ITGAL: variants seen among roughly 807,000 people sequenced by gnomAD.
ITGAL encodes the protein integrin alpha-L.
ITGAL carries 68 observed loss-of-function variants against 138.4 expected under a neutral mutation model. The observed-to-expected ratio is 0.49, with a 90% CI of 0.40 to 0.60. The LOEUF is 0.60. Ranked by LOEUF, ITGAL falls within the 20% of genes least tolerant of loss-of-function variation. The pLI is 0.00. For missense variants in ITGAL, 1,256 were observed against 1,478.6 expected, an observed-to-expected ratio of 0.85 and a Z score of 2.47; for synonymous variants, 561 against 584.3, an observed-to-expected ratio of 0.96 and a Z score of 0.57.
chr16:30,497,768 G>A (rs1384025547), intron 15 of ITGAL, among the ~76,000 whole-genome samples: 1 of 150,012 alleles, frequency 6.7e-6, no homozygotes, highest in African/African-American at 2.4e-5. Context: ...GTGAGCCACC[G>A]TGCCCAGCCC....
chr16:30,490,214 C>T (rs1396327859), intron 11 of ITGAL, among the ~76,000 whole-genome samples: 2 of 117,128 alleles, frequency 1.7e-5, no homozygotes, highest in African/African-American at 3.4e-5. Flanking sequence ...GATGACAGAG[C>T]GAGACTCCGT....
rs776046129 is a variant in ITGAL, at chr16:30,479,234, A to T, written c.445+26A>T. 1.9e-6 allele frequency: 3 copies of T among 1,612,902 alleles called. No individual in the cohort carries two copies. The Admixed American group carries it at 5.0e-5, about 27-fold the overall frequency. Reference sequence around the variant, plus strand: ...GTAAGGAACTGGGGACTCATTGGGTAAAAATACCTCCAAATGGCTGTCCCT... The same window carrying T: ...GTAAGGAACTGGGGACTCATTGGGTTAAAATACCTCCAAATGGCTGTCCCT... On this transcript the variant is annotated intron_variant, in intron 5 of 30. Coordinates refer to ENST00000356798, the MANE Select transcript of ITGAL (RefSeq NM_002209.3).
intron 20 of ITGAL, 80 bp from the exon 21 acceptor site, chr16:30,506,635 C>A: frequency 7.0e-6 from 5 of 715,752 alleles, no homozygotes; most frequent in Non-Finnish European, 1.0e-5. Context: ...TTATTTCTTT[C>A]TGGCCCACCA....
At position 30,494,219 on chromosome 16, in the gene ITGAL, C is replaced by G. The variant is rs768669649; in HGVS notation, c.1221C>G (p.Thr407=). Residue 407 remains threonine (T), a synonymous_variant, in exon 12 of 31, where the codon ACC becomes ACG. Transcript: ENST00000356798. This position sits in a 1 kb window ranked among gnomAD's most constrained non-coding sequence, Gnocchi z 4.2. ...PEVRAGYLGY[T]VTWLPSRQKT... ...CCCACACACTTTCCTCAGGTTACACCGTGACCTGGCTGCCCTCCCGGCAAA... is the reference window on the plus strand; with the variant it reads ...CCCACACACTTTCCTCAGGTTACACGGTGACCTGGCTGCCCTCCCGGCAAA... The G allele has an allele frequency of 1.2e-6, 2 of 1,606,460 alleles. No homozygotes were observed. Among genetic ancestry groups the G allele is most frequent in the African/African-American group, 1.3e-5 (1 of 74,856 alleles).
chr16:30,510,950 A>C lies in ITGAL; in HGVS notation c.2689A>C (p.Asn897His), dbSNP rs751487385. The C allele has an allele frequency of 2.2e-5, 36 of 1,613,872 alleles. No individual in the cohort carries two copies. The highest frequency in any genetic ancestry group is 3.3e-4 in the Middle Eastern group (2 of 6,084). The change falls in exon 23 of 31, where the codon AAT becomes CAT. Residue 897 changes from asparagine to histidine, a missense_variant. By Grantham distance (68) the Asn-to-His change is moderately conservative (BLOSUM62 1). This residue lies in a region of ITGAL where 867 missense variants were observed against 972.5 expected (regional missense o/e 0.89). Coordinates refer to ENST00000356798, the MANE Select transcript of ITGAL (RefSeq NM_002209.3). The part of the protein sequence containing the change: ...SWGDSVELHA[N>H]VTCNNEDSDL... ...GGGGGACTCGGTTGAATTGCACGCC[A>C]ATGTGACCTGGTGAGCAGGCCCCGC...
rs747816501 is a variant in ITGAL, at chr16:30,494,151, C to T, written c.1214-61C>T. On this transcript the variant is annotated intron_variant, in intron 11 of 30. Coordinates refer to ENST00000356798, the MANE Select transcript of ITGAL (RefSeq NM_002209.3). This position sits in a 1 kb window ranked among gnomAD's most constrained non-coding sequence, Gnocchi z 4.2. ...ATTCCCTGGGGCCCCTGCCCCTCTC[C>T]TGCTGGGTGTTCTTCCAGCATCCTG... 1 of 1,471,968 alleles carries T rather than the reference C, an allele frequency of 6.8e-7. No individual in the cohort carries two copies. The highest frequency in any genetic ancestry group is 9.2e-7 in the Non-Finnish European group (1 of 1,082,928). 91.2% of individuals were successfully genotyped at this position (1,471,968 alleles called of 1,614,324 possible). A position where few individuals can be genotyped will look rare whatever the true frequency, so the allele number is the denominator to read the frequency against.
chr16:30,478,950 C>T (rs1447408491), intron 4 of ITGAL, 141 bp from the exon 5 acceptor site: 24 of 682,024 alleles, frequency 3.5e-5, no homozygotes, highest in Non-Finnish European at 5.6e-5. Flanking sequence ...TGGAGGCGGA[C>T]ATTCCTTGCC....
At chr16:30,520,813 G>A (rs1325010938) in intron 30 of ITGAL, among the ~76,000 whole-genome samples, 7 of 152,156 alleles carry the variant, frequency 4.6e-5, no homozygotes, top group Admixed American at 3.3e-4. Flanking sequence ...GGCCGGGTAC[G>A]GTGGCTCACA....
intron 28 of ITGAL, among the ~76,000 whole-genome samples, chr16:30,518,185 A>G (rs2051199049): frequency 6.6e-6 from 1 of 152,132 alleles, no homozygotes; most frequent in Non-Finnish European, 1.5e-5. Flanking sequence ...GCGGGGCTCA[A>G]GCCTATAATC....
At chr16:30,504,133 AAGTT>A in intron 17 of ITGAL, 38 bp from the exon 18 acceptor site, 1 of 1,460,224 alleles carries the variant, frequency 6.8e-7, no homozygotes, top group Non-Finnish European at 9.6e-7. Context: ...AGTGCGGTAA[AAGTT>A]AGATTCATGA....
At position 30,489,399 on chromosome 16, in the gene ITGAL, C is replaced by T; in HGVS notation, c.1213+13C>T. 6.2e-7 allele frequency: 1 copy of T among 1,613,326 alleles called. No individual in the cohort carries two copies. Among genetic ancestry groups the T allele is most frequent in the Non-Finnish European group, 8.5e-7 (1 of 1,179,374 alleles). Reference sequence around the variant, plus strand: ...GCAGGCTATTTGGGTGAGTACTTCTCTTTTCTGCTGGGATCTTCTGGTTGT... The same window carrying T: ...GCAGGCTATTTGGGTGAGTACTTCTTTTTTCTGCTGGGATCTTCTGGTTGT... On this transcript the variant is annotated intron_variant, in intron 11 of 30. Transcript: ENST00000356798.
intron 11 of ITGAL, among the ~76,000 whole-genome samples, chr16:30,490,228 A>T (rs2050706236): frequency 1.0e-5 from 1 of 99,216 alleles, no homozygotes; most frequent in Non-Finnish European, 2.6e-5. Context: ...ACTCCGTCTT[A>T]AAAAAAAAAA....
At chr16:30,499,026 C>T (rs775670550) in intron 15 of ITGAL, 48 bp from the exon 16 acceptor site, 28 of 1,577,208 alleles carry the variant, frequency 1.8e-5, no homozygotes, top group South Asian at 6.8e-5. Flanking sequence ...TGAGGGGGGA[C>T]GTGCAGTTGG....
At chr16:30,511,967 G>T (rs1404469136) in intron 24 of ITGAL, among the ~76,000 whole-genome samples, 1 of 152,164 alleles carries the variant, frequency 6.6e-6, no homozygotes, top group East Asian at 1.9e-4. Flanking sequence ...AAGAGAAAGG[G>T]GTTAAGATCA....
rs1446924583 is a variant in ITGAL at position 30,494,862 on chromosome 16, A to T, written c.1503+12A>T. On this transcript the variant is annotated intron_variant, in intron 13 of 30. Coordinates refer to ENST00000356798, the MANE Select transcript of ITGAL (RefSeq NM_002209.3). The surrounding 1 kb of genome is among the most constrained non-coding windows in gnomAD (Gnocchi z 4.2). ...ACCAGAGAAGACAGGTGGGGCCAGG[A>T]TCTGGAGCTGAGAGGGAGGAGGGAG... 2 of 1,579,282 alleles carry T rather than the reference A, an allele frequency of 1.3e-6. No individual in the cohort carries two copies. The highest frequency in any genetic ancestry group is 1.4e-5 in the African/African-American group (1 of 73,968).
At chr16:30,486,526 C>T (rs1392134823) in intron 9 of ITGAL, among the ~76,000 whole-genome samples, 1 of 151,448 alleles carries the variant, frequency 6.6e-6, no homozygotes, top group Admixed American at 6.6e-5. Context: ...TTAAAAAAAA[C>T]TCACTCTCAA....
intron 25 of ITGAL, among the ~76,000 whole-genome samples, chr16:30,514,817 T>C (rs1351531559): frequency 1.4e-5 from 2 of 148,046 alleles, no homozygotes; most frequent in African/African-American, 2.5e-5. Context: ...CCTTTTCTTT[T>C]TTCTTTTCTT....
intron 17 of ITGAL, among the ~76,000 whole-genome samples, chr16:30,500,277 G>T (rs2050875805): frequency 6.7e-6 from 1 of 149,824 alleles, no homozygotes; most frequent in African/African-American, 2.5e-5. Flanking sequence ...GTAGAGTTGG[G>T]GTTTCACCAT....
chr16:30,516,929 G>A, intron 25 of ITGAL, 44 bp from the exon 26 acceptor site: 2 of 1,365,660 alleles, frequency 1.5e-6, no homozygotes, highest in Non-Finnish European at 2.1e-6. Flanking sequence ...GGCAGCTGGG[G>A]TGGCTGGCAT....
Sources: allele counts gnomAD v4.1 joint callset (sites outside exome capture counted in the v4.1 genomes callset), GRCh38; gene constraint gnomAD v4.1.1; regional missense constraint gnomAD v4.1.1; non-coding constraint Gnocchi (gnomAD v3.1); transcripts MANE v1.5; gene names NCBI Gene and HGNC (gene_info 2026-07-23, HGNC 2026-07-21).